NKAIN2: variants seen among roughly 807,000 people sequenced by gnomAD.
NKAIN2 encodes the protein sodium/potassium-transporting ATPase subunit beta-1-interacting protein 2.
Under a neutral mutation model 32.6 loss-of-function variants are expected in NKAIN2, and 14 were observed. The ratio of observed to expected loss-of-function variants is 0.43; its 90% CI spans 0.28 to 0.67. NKAIN2 has a LOEUF of 0.67. Among genes scored for constraint, NKAIN2 ranks in the 30% least tolerant of loss-of-function variants. The pLI is 0.17. For missense variants in NKAIN2, 198 were observed against 258.3 expected (o/e 0.77, Z 1.60); for synonymous variants, 80 against 87.2 (o/e 0.92, Z 0.46).
intron 1 of NKAIN2, among the ~76,000 whole-genome samples, chr6:124,014,486 G>C (rs1274448810): frequency 6.6e-6 from 1 of 151,850 alleles, no homozygotes; most frequent in Non-Finnish European, 1.5e-5. Context: ...AAGACCTCTA[G>C]TCTTGGACAT....
intron 1 of NKAIN2, among the ~76,000 whole-genome samples, chr6:124,150,977 ATTC>A (rs1433559766): frequency 5.3e-5 from 8 of 151,862 alleles, no homozygotes; most frequent in Admixed American, 1.3e-4. Context: ...TAAAATCCTT[ATTC>A]TTCTTTGTTC....
At chr6:124,463,170 G>C (rs867384924) in intron 3 of NKAIN2, among the ~76,000 whole-genome samples, 1 of 152,180 alleles carries the variant, frequency 6.6e-6, no homozygotes, top group Non-Finnish European at 1.5e-5. Context: ...GTGTGTATGT[G>C]TGTGTGTTCC....
At chr6:124,637,140 C>A (rs1276019881) in intron 3 of NKAIN2, among the ~76,000 whole-genome samples, 1 of 151,994 alleles carries the variant, frequency 6.6e-6, no homozygotes, top group African/African-American at 2.4e-5. Context: ...ACAAGAACCA[C>A]GCGATTCTCT....
At chr6:123,861,766 C>G (rs1215044492) in intron 1 of NKAIN2, among the ~76,000 whole-genome samples, 5 of 151,984 alleles carry the variant, frequency 3.3e-5, no homozygotes, top group Non-Finnish European at 4.4e-5. Flanking sequence ...CTAGATTGTC[C>G]TCTAAACTGG....
At chr6:124,377,959 A>G (rs902832570) in intron 3 of NKAIN2, among the ~76,000 whole-genome samples, 3 of 152,100 alleles carry the variant, frequency 2.0e-5, no homozygotes, top group Non-Finnish European at 2.9e-5. Context: ...TAAGATCTCA[A>G]GAGAGAAGAG....
intron 3 of NKAIN2, among the ~76,000 whole-genome samples, chr6:124,532,101 C>G (rs1024060376): frequency 6.6e-6 from 1 of 152,200 alleles, no homozygotes; most frequent in Non-Finnish European, 1.5e-5. Flanking sequence ...TTGATGTGTG[C>G]AGAAACTGCT....
intron 3 of NKAIN2, among the ~76,000 whole-genome samples, chr6:124,557,371 G>A (rs1780515243): frequency 6.6e-6 from 1 of 152,034 alleles, no homozygotes; most frequent in Admixed American, 6.6e-5. Flanking sequence ...TGAGTTACAT[G>A]TTGCTTTATA....
At chr6:124,725,486 A>G (rs1486414583) in intron 4 of NKAIN2, among the ~76,000 whole-genome samples, 1 of 152,204 alleles carries the variant, frequency 6.6e-6, no homozygotes, top group Admixed American at 6.5e-5. Flanking sequence ...TTTTAAAACT[A>G]AAGATCTTTT....
At chr6:123,885,669 T>C (rs1465720431) in intron 1 of NKAIN2, among the ~76,000 whole-genome samples, 2 of 152,026 alleles carry the variant, frequency 1.3e-5, no homozygotes, top group Admixed American at 6.6e-5. Flanking sequence ...GCTGCCAGTC[T>C]AAGGAAGTAC....
At chr6:123,880,385 C>T (rs980432026) in intron 1 of NKAIN2, among the ~76,000 whole-genome samples, 4 of 152,102 alleles carry the variant, frequency 2.6e-5, no homozygotes, top group African/African-American at 9.7e-5. Context: ...GAATTCACTA[C>T]AGGATCCCAG....
chr6:123,992,696 T>C (rs769175250), intron 1 of NKAIN2, among the ~76,000 whole-genome samples: 2 of 152,180 alleles, frequency 1.3e-5, no homozygotes, highest in Non-Finnish European at 2.9e-5. Flanking sequence ...GACTAGGAAG[T>C]GTTTAATGCA....
chr6:124,110,588 T>A (rs1785338134), intron 1 of NKAIN2, among the ~76,000 whole-genome samples: 1 of 152,062 alleles, frequency 6.6e-6, no homozygotes, highest in Admixed American at 6.6e-5. Flanking sequence ...GTTGTTTGCA[T>A]ATTTATATCC....
intron 3 of NKAIN2, among the ~76,000 whole-genome samples, chr6:124,417,159 A>G (rs7760111): frequency 0.39 from 59,815 of 152,146 alleles, 13,701 homozygotes; most frequent in South Asian, 0.59. Flanking sequence ...CTGTTAAATG[A>G]TTTGACAAAG....
intron 3 of NKAIN2, among the ~76,000 whole-genome samples, chr6:124,473,566 A>C (rs1183518548): frequency 6.6e-6 from 1 of 152,114 alleles, no homozygotes; most frequent in Non-Finnish European, 1.5e-5. Flanking sequence ...GCACTTTTTT[A>C]GTATAAGATT....
chr6:124,137,599 C>G (rs905496968), intron 1 of NKAIN2, among the ~76,000 whole-genome samples: 9 of 152,126 alleles, frequency 5.9e-5, no homozygotes, highest in Admixed American at 2.0e-4. Context: ...ATCACTTTAC[C>G]TGATTTCTTG....
chr6:124,219,283 C>CT lies in NKAIN2; in HGVS notation c.55-63710dup, dbSNP rs5879720. Among the ~76,000 whole-genome samples, 164 of 128,990 alleles carry CT rather than the reference C, an allele frequency of 1.3e-3. 1 individual carries two copies. The highest frequency in any genetic ancestry group is 4.0e-3 in the African/African-American group (142 of 35,200). 84.6% of individuals were successfully genotyped at this position (128,990 alleles called of 152,430 possible). On this transcript the variant is annotated intron_variant, in intron 1 of 6. Coordinates refer to ENST00000368417, the MANE Select transcript of NKAIN2 (RefSeq NM_001040214.3). ...TTTTTATTTTCTTTTTTCTTTTTTT[C>CT]TTTTTTTTTTTTGAGACAGAGTCTT...
intron 6 of NKAIN2, among the ~76,000 whole-genome samples, 165 bp from the exon 7 acceptor site, chr6:124,823,055 G>A (rs528887786): frequency 8.5e-5 from 13 of 152,244 alleles, no homozygotes; most frequent in African/African-American, 3.1e-4. Flanking sequence ...CAATTGCCAT[G>A]AATAAAAAGA....
intron 1 of NKAIN2, among the ~76,000 whole-genome samples, chr6:124,244,520 C>A (rs966741602): frequency 6.6e-6 from 1 of 151,826 alleles, no homozygotes; most frequent in African/African-American, 2.4e-5. Context: ...TTAAGTCAGC[C>A]GACCAATCTA....
At chr6:124,312,528 A>G (rs1208565287) in intron 2 of NKAIN2, among the ~76,000 whole-genome samples, 1 of 152,174 alleles carries the variant, frequency 6.6e-6, no homozygotes, top group African/African-American at 2.4e-5. Flanking sequence ...AAAGAATATT[A>G]CAAAGAATAC....
Sources: allele counts gnomAD v4.1 joint callset (sites outside exome capture counted in the v4.1 genomes callset), GRCh38; gene constraint gnomAD v4.1.1; transcripts MANE v1.5; gene names NCBI Gene and HGNC (gene_info 2026-07-23, HGNC 2026-07-21).